The following STXBP5 variants were observed in gnomAD, a reference collection of about 807,000 sequenced individuals.
STXBP5 encodes syntaxin binding protein 5, also known as syntaxin-binding protein 5.
STXBP5 carries 50 observed loss-of-function variants against 152.4 expected under a neutral mutation model. The observed-to-expected ratio is 0.33, with a 90% CI of 0.26 to 0.42. The LOEUF is 0.42. Ranked by LOEUF, STXBP5 falls within the 10% of genes least tolerant of loss-of-function variation. The probability of loss-of-function intolerance (pLI) is 1.00; values close to 1 mark genes in which losing one functional copy is unlikely to be tolerated. For synonymous variants in STXBP5, 492 were observed against 494.7 expected, an observed-to-expected ratio of 0.99 and a Z score of 0.07; for missense variants, 1,167 against 1,388.6, an observed-to-expected ratio of 0.84 and a Z score of 2.54.
At chr6:147,245,786 T>C (rs553623784) in intron 4 of STXBP5, among the ~76,000 whole-genome samples, 1 of 152,246 alleles carries the variant, frequency 6.6e-6, no homozygotes, top group East Asian at 1.9e-4. Flanking sequence ...TACCATGTGA[T>C]GAAGGAGGTA....
At chr6:147,381,900 C>G (rs572883529) in intron 26 of STXBP5, among the ~76,000 whole-genome samples, 3 of 152,242 alleles carry the variant, frequency 2.0e-5, no homozygotes, top group South Asian at 4.1e-4. Flanking sequence ...AAAGTGACTG[C>G]TAACAGGCAT....
chr6:147,325,624 T>C (rs986989586), intron 17 of STXBP5, among the ~76,000 whole-genome samples: 2 of 152,228 alleles, frequency 1.3e-5, no homozygotes, highest in African/African-American at 4.8e-5. Context: ...TACAATATGA[T>C]AGACTTATAA....
At chr6:147,291,038 TA>T in intron 8 of STXBP5, 55 bp from the exon 9 acceptor site, 1 of 1,320,246 alleles carries the variant, frequency 7.6e-7, no homozygotes, top group Non-Finnish European at 1.1e-6. Context: ...ACTATCAATG[TA>T]AGAATGTAGA....
chr6:147,364,195 C>A (rs1325023895), intron 25 of STXBP5, 29 bp downstream of exon 25: 13 of 1,593,710 alleles, frequency 8.2e-6, no homozygotes, highest in Non-Finnish European at 1.1e-5. Context: ...ACTGTAATTT[C>A]TTCAGAGGTA....
Position 147,386,377 on chromosome 6 carries a change from A to G in STXBP5, c.*1622A>G, listed in dbSNP as rs1446933357. ...ATATGTAGGACATCTTAACTTTTTC[A>G]TACAGTCTGTTATGCATATTTTCCT... is the stretch of plus-strand genomic sequence containing the variant. On this transcript the variant is annotated 3_prime_UTR_variant, in exon 28 of 28. Transcript: ENST00000321680. The G allele has an allele frequency of 6.6e-6, 1 of 151,734 alleles. No individual in the cohort carries two copies. The highest frequency in any genetic ancestry group is 1.5e-5 in the Non-Finnish European group (1 of 67,810). 9.4% of individuals were successfully genotyped at this position (151,734 alleles called of 1,614,324 possible). A position where few individuals can be genotyped will look rare whatever the true frequency, so the allele number is the denominator to read the frequency against.
intron 21 of STXBP5, among the ~76,000 whole-genome samples, chr6:147,347,818 A>C (rs1784406518): frequency 6.6e-6 from 1 of 152,202 alleles, no homozygotes; most frequent in South Asian, 2.1e-4. Context: ...ATGTAAGGAA[A>C]AGCAAATGTT....
intron 7 of STXBP5, among the ~76,000 whole-genome samples, chr6:147,275,682 CG>C (rs1780408812): frequency 1.3e-5 from 2 of 150,690 alleles, no homozygotes; most frequent in Admixed American, 1.3e-4. Flanking sequence ...CTCAGCCTCC[CG>C]AGTACCTGGG....
chr6:147,365,159 G>A (rs1005699154), intron 25 of STXBP5, among the ~76,000 whole-genome samples: 4 of 152,086 alleles, frequency 2.6e-5, no homozygotes, highest in Non-Finnish European at 4.4e-5. Flanking sequence ...ATTTCAGTAA[G>A]CTATACTATA....
At chr6:147,319,385 T>C (rs1782800326) in intron 16 of STXBP5, among the ~76,000 whole-genome samples, 1 of 152,180 alleles carries the variant, frequency 6.6e-6, no homozygotes, top group Non-Finnish European at 1.5e-5. Flanking sequence ...AAATTACCAC[T>C]GATAGTAAAA....
intron 23 of STXBP5, among the ~76,000 whole-genome samples, chr6:147,360,104 C>T (rs1784996343): frequency 6.6e-6 from 1 of 152,192 alleles, no homozygotes; most frequent in African/African-American, 2.4e-5. Context: ...GAGATATCAT[C>T]TCACACCAGT....
At chr6:147,314,125 T>C in intron 12 of STXBP5, 94 bp downstream of exon 12, 1 of 1,488,188 alleles carries the variant, frequency 6.7e-7, no homozygotes. Flanking sequence ...ACCTTTTCTA[T>C]GGAAAATAGG....
chr6:147,233,157 A>C (rs547499590), intron 2 of STXBP5, among the ~76,000 whole-genome samples: 27 of 151,888 alleles, frequency 1.8e-4, no homozygotes, highest in African/African-American at 5.8e-4. Flanking sequence ...ACATTTTTAA[A>C]CAAACATCTA....
chr6:147,380,739 GA>G (rs1413982375), intron 26 of STXBP5, among the ~76,000 whole-genome samples: 1 of 152,078 alleles, frequency 6.6e-6, no homozygotes, highest in Non-Finnish European at 1.5e-5. Context: ...CAAAGAATGG[GA>G]TGAAATATTT....
intron 7 of STXBP5, among the ~76,000 whole-genome samples, 176 bp downstream of exon 7, chr6:147,267,343 T>C (rs550179329): frequency 2.3e-4 from 35 of 152,272 alleles, no homozygotes; most frequent in African/African-American, 8.2e-4. Flanking sequence ...AAAATCTTCT[T>C]CCCACCTGCC....
intron 2 of STXBP5, among the ~76,000 whole-genome samples, chr6:147,226,863 A>G (rs1010030852): frequency 1.3e-5 from 2 of 152,216 alleles, no homozygotes; most frequent in African/African-American, 4.8e-5. Context: ...GTTAAGGAAT[A>G]TCATTCTATA....
chr6:147,258,135 A>G (rs962645018), intron 4 of STXBP5, among the ~76,000 whole-genome samples: 8 of 152,188 alleles, frequency 5.3e-5, no homozygotes, highest in African/African-American at 1.9e-4. Context: ...ACAACTGCTA[A>G]TAATTCATTG....
intron 23 of STXBP5, among the ~76,000 whole-genome samples, chr6:147,362,290 A>G (rs1785104059): frequency 6.6e-6 from 1 of 152,198 alleles, no homozygotes; most frequent in Non-Finnish European, 1.5e-5. Flanking sequence ...TAATATGTGG[A>G]AAAAATACTG....
intron 2 of STXBP5, among the ~76,000 whole-genome samples, chr6:147,230,085 G>C (rs533212759): frequency 1.3e-5 from 2 of 151,900 alleles, no homozygotes; most frequent in East Asian, 3.9e-4. Context: ...GTTGATTTTT[G>C]TCAGATTTTT....
intron 6 of STXBP5, among the ~76,000 whole-genome samples, chr6:147,263,480 C>T (rs768603383): frequency 2.2e-4 from 33 of 151,814 alleles, no homozygotes; most frequent in Non-Finnish European, 3.4e-4. Context: ...GCACAAGCCA[C>T]TGTGCCTGGT....
Sources: allele counts gnomAD v4.1 joint callset (sites outside exome capture counted in the v4.1 genomes callset), GRCh38; gene constraint gnomAD v4.1.1; transcripts MANE v1.5; gene names NCBI Gene and HGNC (gene_info 2026-07-23, HGNC 2026-07-21).